The following GTF3A variants were observed in gnomAD, a reference collection of about 807,000 sequenced individuals.
GTF3A encodes transcription factor IIIA.
GTF3A carries 40 observed loss-of-function variants against 37.6 expected under a neutral mutation model. The ratio of observed to expected loss-of-function variants is 1.06; its 90% CI spans 0.83 to 1.38. The LOEUF is 1.38. GTF3A is among the 40% of genes most tolerant of loss of function. The probability of loss-of-function intolerance (pLI) is 0.00; values close to 1 mark genes in which losing one functional copy is unlikely to be tolerated. For missense variants in GTF3A, 500 were observed against 462.6 expected (o/e 1.08, Z -0.74); for synonymous variants, 191 against 166.7 (o/e 1.15, Z -1.12).
intron 5 of GTF3A, 61 bp downstream of exon 5, chr13:27,432,865 TC>T: frequency 1.1e-5 from 15 of 1,360,216 alleles, no homozygotes; most frequent in Non-Finnish European, 1.5e-5. Flanking sequence ...CGCCTTTGAA[TC>T]TGTTCTGTGA....
At chr13:27,427,015 G>C (rs1299384237) in intron 1 of GTF3A, 77 bp from the exon 2 acceptor site, 1 of 768,376 alleles carries the variant, frequency 1.3e-6, no homozygotes, top group African/African-American at 1.7e-5. Flanking sequence ...CTTAACACTA[G>C]GCAGTTTAAG....
chr13:27,435,298 C>T (rs1477354713), intron 8 of GTF3A, 106 bp downstream of exon 8: 1 of 1,251,632 alleles, frequency 8.0e-7, no homozygotes, highest in Non-Finnish European at 1.1e-6. Flanking sequence ...TTTGAGTCTG[C>T]ACTACTGTTG....
chr13:27,432,169 G>A (rs367738073), intron 4 of GTF3A, among the ~76,000 whole-genome samples: 68 of 152,298 alleles, frequency 4.5e-4, no homozygotes, highest in East Asian at 3.9e-3. Context: ...CTGGCCATCC[G>A]GCACTTTCCC....
chr13:27,430,799 T>C (rs767002491), intron 4 of GTF3A, among the ~76,000 whole-genome samples, 178 bp downstream of exon 4: 1 of 152,210 alleles, frequency 6.6e-6, no homozygotes, highest in African/African-American at 2.4e-5. Flanking sequence ...CTGATCTGAG[T>C]TCCCTGTAGA....
chr13:27,428,912 A>G (rs1248391510), intron 2 of GTF3A, among the ~76,000 whole-genome samples: 6 of 150,318 alleles, frequency 4.0e-5, no homozygotes, highest in African/African-American at 9.7e-5. Context: ...AGGAAAGGGC[A>G]TAAGAGGCAT....
At chr13:27,425,008 G>C in intron 1 of GTF3A, 70 bp downstream of exon 1, 1 of 1,197,224 alleles carries the variant, frequency 8.4e-7, no homozygotes, top group Non-Finnish European at 1.2e-6. Flanking sequence ...CACTGCAGTC[G>C]TGGCCAGGGC....
At position 27,424,660 on chromosome 13, in the gene GTF3A, G is replaced by A. The variant is rs935125434; in HGVS notation, c.-78G>A. 8 of 1,099,304 alleles carry A rather than the reference G, an allele frequency of 7.3e-6. No individual in the cohort carries two copies. The highest frequency in any genetic ancestry group is 3.2e-4 in the Middle Eastern group (1 of 3,146). 68.1% of individuals were successfully genotyped at this position (1,099,304 alleles called of 1,614,324 possible). A position where few individuals can be genotyped will look rare whatever the true frequency, so the allele number is the denominator to read the frequency against. On this transcript the variant is annotated 5_prime_UTR_variant, in exon 1 of 9. Coordinates refer to ENST00000381140, the MANE Select transcript of GTF3A (RefSeq NM_002097.3). Reference sequence around the variant, plus strand: ...CGCGAAGGTTCAGCAGGGAGCCGTGGGCCGGGCGCGCCGGTTCCCGGCACG... The same window carrying A: ...CGCGAAGGTTCAGCAGGGAGCCGTGAGCCGGGCGCGCCGGTTCCCGGCACG...
At chr13:27,430,223 A>G (rs970085193) in intron 3 of GTF3A, among the ~76,000 whole-genome samples, 1 of 152,188 alleles carries the variant, frequency 6.6e-6, no homozygotes, top group African/African-American at 2.4e-5. Flanking sequence ...GTTTTCGTCA[A>G]CCAAATTTTG....
intron 2 of GTF3A, 72 bp downstream of exon 2, chr13:27,427,264 TG>T: frequency 2.6e-6 from 2 of 760,572 alleles, no homozygotes; most frequent in Non-Finnish European, 4.7e-6. Context: ...AGAAGATTGA[TG>T]TTAACTCACG....
rs771946503 is a variant in GTF3A, at chr13:27,434,919, G to A, written c.758G>A (p.Cys253Tyr). The stretch of plus-strand genomic sequence containing the variant: ...GTATGTCGCTGTCCAAGAGAAGGCT[G>A]TGGAAGAACCTATACAACTGTGTTT... Residue 253 changes from cysteine (C) to tyrosine (Y), a missense_variant, in exon 7 of 9, where the codon TGT becomes TAT. Physicochemically the swap from Cys to Tyr is radical, Grantham distance 194. Transcript: ENST00000381140. 6.2e-7 allele frequency: 1 copy of A among 1,608,928 alleles called. No homozygotes were observed. The highest frequency in any genetic ancestry group is 8.5e-7 in the Non-Finnish European group (1 of 1,175,180).
At chr13:27,428,351 G>A (rs977655761) in intron 2 of GTF3A, among the ~76,000 whole-genome samples, 1 of 152,082 alleles carries the variant, frequency 6.6e-6, no homozygotes, top group South Asian at 2.1e-4. Flanking sequence ...GTCTTATCTC[G>A]GTCCCTTCCT....
intron 8 of GTF3A, 65 bp from the exon 9 acceptor site, chr13:27,435,368 T>C (rs1953703708): frequency 1.3e-6 from 2 of 1,490,526 alleles, no homozygotes; most frequent in South Asian, 1.2e-5. Context: ...CATATGACTA[T>C]CGTAAAATTA....
At chr13:27,427,269 A>G (rs1953614501) in intron 2 of GTF3A, 77 bp downstream of exon 2, 1 of 741,936 alleles carries the variant, frequency 1.3e-6, no homozygotes, top group Admixed American at 2.0e-5. Flanking sequence ...ATTGATGTTA[A>G]CTCACGAGAT....
rs752589544 is a variant in GTF3A at position 27,432,790 on chromosome 13, C to T, written c.548C>T (p.Ala183Val). ...TCACCCAGCAAGCTGAAACGACATGCCAAGGCCCACGAGGGTGTGTACGGA... is the reference window on the plus strand; with the variant it reads ...TCACCCAGCAAGCTGAAACGACATGTCAAGGCCCACGAGGGTGTGTACGGA... The change falls in exon 5 of 9, where the codon GCC becomes GTC. Residue 183 changes from alanine to valine, a missense_variant. Coordinates refer to ENST00000381140, the MANE Select transcript of GTF3A (RefSeq NM_002097.3). The T allele has an allele frequency of 1.9e-6, 3 of 1,602,760 alleles. No homozygotes were observed. In the South Asian group the frequency reaches 3.4e-5, roughly 18 times the overall value.
Position 27,424,941 on chromosome 13 carries a change from G to A in GTF3A, c.201+3G>A, listed in dbSNP as rs1327932578. 5 of 1,542,994 alleles carry A rather than the reference G, an allele frequency of 3.2e-6. No individual in the cohort carries two copies. The highest frequency in any genetic ancestry group is 4.0e-5 in the Admixed American group (2 of 49,914). ...ACCTGTGCAAGCACACGGGGGAGGT[G>A]AGGGGGGCGAGGCTGCCAACCCTGG... On this transcript the variant is annotated splice_donor_region_variant and intron_variant, in intron 1 of 8. Coordinates refer to ENST00000381140, the MANE Select transcript of GTF3A (RefSeq NM_002097.3).
intron 2 of GTF3A, 53 bp from the exon 3 acceptor site, chr13:27,429,817 A>G: frequency 1.1e-6 from 1 of 948,514 alleles, no homozygotes; most frequent in Non-Finnish European, 1.5e-6. Flanking sequence ...ATGTGTCTTA[A>G]AACTTCTTCT....
chr13:27,429,784 GC>G, intron 2 of GTF3A, 85 bp from the exon 3 acceptor site: 2 of 626,420 alleles, frequency 3.2e-6, no homozygotes, highest in Non-Finnish European at 5.4e-6. Flanking sequence ...GGAAGAATTA[GC>G]TTCTATAAAG....
rs1371219800 is a variant in GTF3A at position 27,435,542 on chromosome 13, C to G, written c.1043C>G (p.Pro348Arg). Residue 348 changes from proline (P) to arginine (R), a missense_variant, in exon 9 of 9, where the codon CCC (proline) becomes CGC (arginine). Physicochemically the swap from Pro to Arg is moderately radical, Grantham distance 103. Transcript: ENST00000381140. Reference sequence around the variant, plus strand: ...TCTTTGTGTCAAAACGGAGAGTCACCCAACTGTGTGGAAGACAAGATGCTC... The same window carrying G: ...TCTTTGTGTCAAAACGGAGAGTCACGCAACTGTGTGGAAGACAAGATGCTC... 1.2e-6 allele frequency: 2 copies of G among 1,613,306 alleles called. No homozygotes were observed. Among genetic ancestry groups the G allele is most frequent in the African/African-American group, 1.3e-5 (1 of 75,026 alleles).
In GTF3A at chr13:27,424,720, C is replaced by G. The variant is rs1246834523; in HGVS notation, c.-18C>G. On this transcript the variant is annotated 5_prime_UTR_variant, in exon 1 of 9. Coordinates refer to ENST00000381140, the MANE Select transcript of GTF3A (RefSeq NM_002097.3). ...ACGTGGCAGCGCGCCTGGCCCTGGG[C>G]TTGGAGGCGCCGGCGCCCTGGATCC... 7 of 1,428,954 alleles carry G rather than the reference C, an allele frequency of 4.9e-6. No homozygotes were observed. The highest frequency in any genetic ancestry group is 6.4e-6 in the Non-Finnish European group (7 of 1,095,656). The allele number at this position is 1,428,954 out of a possible 1,614,324, so 88.5% of individuals were successfully genotyped here.
Sources: gnomAD v4.1 joint callset for allele counts (sites outside exome capture counted in the v4.1 genomes callset) on GRCh38, gnomAD v4.1.1 for gene constraint, MANE v1.5 for transcripts, NCBI Gene and HGNC (gene_info 2026-07-23, HGNC 2026-07-21) for gene names.